The following NBEA variants were observed in gnomAD, a reference collection of about 807,000 sequenced individuals.
NBEA encodes lysosomal-trafficking regulator 2.
A neutral mutation model predicts 343.4 loss-of-function variants in NBEA; 44 were observed. The ratio of observed to expected loss-of-function variants is 0.13; its 90% CI spans 0.10 to 0.16. NBEA has a LOEUF of 0.16. Among genes scored for constraint, NBEA ranks in the 10% least tolerant of loss-of-function variants. The pLI is 1.00. For missense variants in NBEA, 2,555 were observed against 3,631.3 expected, an observed-to-expected ratio of 0.70 and a Z score of 7.62; for synonymous variants, 1,175 against 1,238.7, an observed-to-expected ratio of 0.95 and a Z score of 1.08.
intron 1 of NBEA, among the ~76,000 whole-genome samples, chr13:34,974,430 G>T (rs1474004734): frequency 6.6e-6 from 1 of 152,126 alleles, no homozygotes; most frequent in Non-Finnish European, 1.5e-5. Context: ...TATCTTGTTA[G>T]TTTCATTTCT....
intron 10 of NBEA, among the ~76,000 whole-genome samples, chr13:35,097,165 A>G (rs1248706823): frequency 1.3e-5 from 2 of 151,906 alleles, no homozygotes; most frequent in African/African-American, 4.8e-5. Context: ...AAAAGTAGCC[A>G]CATTATGAGA....
At chr13:34,960,332 C>A (rs1280964126) in intron 1 of NBEA, among the ~76,000 whole-genome samples, 1 of 151,616 alleles carries the variant, frequency 6.6e-6, no homozygotes, top group Non-Finnish European at 1.5e-5. Flanking sequence ...TTATAAAAGT[C>A]AAAAAGTTAA....
intron 10 of NBEA, among the ~76,000 whole-genome samples, chr13:35,082,192 T>C (rs898474014): frequency 6.6e-6 from 1 of 152,166 alleles, no homozygotes; most frequent in Non-Finnish European, 1.5e-5. Context: ...CCTGAGATAG[T>C]TAGCTGAGAA....
intron 36 of NBEA, among the ~76,000 whole-genome samples, chr13:35,313,461 C>G (rs2037505775): frequency 2.6e-5 from 4 of 151,988 alleles, no homozygotes. Flanking sequence ...TTATTGAAAG[C>G]ATAAAGAAAA....
At chr13:35,210,737 C>T (rs1468934173) in intron 32 of NBEA, among the ~76,000 whole-genome samples, 1 of 152,074 alleles carries the variant, frequency 6.6e-6, no homozygotes, top group African/African-American at 2.4e-5. Context: ...AAGTTTTTCA[C>T]CCCTAAGTTT....
intron 38 of NBEA, among the ~76,000 whole-genome samples, chr13:35,363,034 C>G (rs2040902127): frequency 6.6e-6 from 1 of 151,904 alleles, no homozygotes; most frequent in African/African-American, 2.4e-5. Context: ...ACTCCTGTTT[C>G]CCTTATCTTC....
At chr13:35,136,663 C>T (rs2067748569) in intron 17 of NBEA, among the ~76,000 whole-genome samples, 1 of 152,212 alleles carries the variant, frequency 6.6e-6, no homozygotes. Flanking sequence ...CCTCAGACTT[C>T]TCCCAGTTGA....
chr13:35,391,479 A>G lies in NBEA; in HGVS notation c.6179+39156A>G, dbSNP rs139096586. ...TATTTAAAAGAGAGACATAGTTCAG[A>G]AAGACTGAATAATGAAGATGGTTAA... On this transcript the variant is annotated intron_variant, in intron 38 of 58. Transcript: ENST00000379939. 6.7e-3 allele frequency among the ~76,000 whole-genome samples: 1,018 copies of G among 152,284 alleles called. 7 individuals carry two copies. Among genetic ancestry groups the G allele is most frequent in the African/African-American group, 0.023 (972 of 41,574 alleles).
intron 38 of NBEA, among the ~76,000 whole-genome samples, chr13:35,406,643 A>G (rs2043284877): frequency 6.6e-6 from 1 of 152,132 alleles, no homozygotes; most frequent in South Asian, 2.1e-4. Flanking sequence ...GTAGGATCAC[A>G]CCTGGTGACC....
chr13:35,147,064 A>G (rs1404721171), intron 18 of NBEA, among the ~76,000 whole-genome samples: 1 of 152,072 alleles, frequency 6.6e-6, no homozygotes, highest in Non-Finnish European at 1.5e-5. Flanking sequence ...CCCTTATTTT[A>G]TCATAGTCCA....
intron 44 of NBEA, among the ~76,000 whole-genome samples, chr13:35,565,270 A>G (rs1483862414): frequency 2.0e-5 from 3 of 152,376 alleles, no homozygotes; most frequent in Admixed American, 2.0e-4. Context: ...GCAAAGCTTC[A>G]TATAATAAAC....
intron 38 of NBEA, among the ~76,000 whole-genome samples, chr13:35,370,902 A>C (rs1397841199): frequency 1.4e-5 from 1 of 72,204 alleles, no homozygotes; most frequent in African/African-American, 4.4e-5. Context: ...AAGTGTCCTC[A>C]GTTGGCAGTT....
At chr13:35,564,909 T>C (rs552268719) in intron 44 of NBEA, among the ~76,000 whole-genome samples, 57 of 152,356 alleles carry the variant, frequency 3.7e-4, no homozygotes, top group Non-Finnish European at 7.2e-4. Context: ...TTTTATCACA[T>C]GCATATCCAT....
chr13:35,159,593 A>ATAG lies in NBEA; in HGVS notation c.3428_3430dup (p.Ser1143dup), dbSNP rs1302622704. On this transcript the variant is annotated inframe_insertion, in exon 22 of 59. Coordinates refer to ENST00000379939, the MANE Select transcript of NBEA (RefSeq NM_001385012.1). ...GCAGATGAGAAAGAAGACCTTCCCA[A>ATAG]TAGTAGTACATCATTTCTCTTTGAT... The ATAG allele has an allele frequency of 1.2e-6, 2 of 1,611,968 alleles. No individual in the cohort carries two copies. The highest frequency in any genetic ancestry group is 1.3e-5 in the African/African-American group (1 of 74,868).
chr13:35,148,653 A>C (rs1160984127), intron 18 of NBEA, among the ~76,000 whole-genome samples: 1 of 152,238 alleles, frequency 6.6e-6, no homozygotes, highest in Non-Finnish European at 1.5e-5. Context: ...AACTTTTATA[A>C]AATGTTATCC....
chr13:35,161,135 GA>G (rs1312784949), intron 22 of NBEA, among the ~76,000 whole-genome samples: 2 of 152,154 alleles, frequency 1.3e-5, no homozygotes, highest in Non-Finnish European at 2.9e-5. Flanking sequence ...TATTGAATTA[GA>G]TACAGATGTA....
chr13:35,546,905 A>G (rs2079090495), intron 41 of NBEA, among the ~76,000 whole-genome samples: 1 of 152,138 alleles, frequency 6.6e-6, no homozygotes, highest in African/African-American at 2.4e-5. Context: ...TTTTAAATAA[A>G]GAAATTGTAG....
At position 35,236,406 on chromosome 13, in the gene NBEA, TTTTTGTTTTGTTTTGTTTTGTTTTG is replaced by T. The variant is rs147528572; in HGVS notation, c.5776+3821_5776+3845del. 8.0e-3 allele frequency among the ~76,000 whole-genome samples: 1,177 copies of T among 147,166 alleles called. 8 individuals are homozygous for T. The highest frequency in any genetic ancestry group is 0.023 in the African/African-American group (922 of 39,342). ...CAGCTCTTCTTTCTGCATTTAATCCTTTTTGTTTTGTTTTGTTTTGTTTTGTTTTGTTTTGTTTTGTTTTGTTTTG... is the reference window on the plus strand; with the variant it reads ...CAGCTCTTCTTTCTGCATTTAATCCTTTTTGTTTTGTTTTGTTTTGTTTTG... On this transcript the variant is annotated intron_variant, in intron 34 of 58. Transcript: ENST00000379939.
intron 33 of NBEA, among the ~76,000 whole-genome samples, chr13:35,230,201 A>T (rs2074892791): frequency 6.6e-6 from 1 of 152,106 alleles, no homozygotes. Context: ...AATCGATAAT[A>T]ATGTATATTT....
Sources: allele counts gnomAD v4.1 joint callset (sites outside exome capture counted in the v4.1 genomes callset), GRCh38; gene constraint gnomAD v4.1.1; transcripts MANE v1.5; gene names NCBI Gene and HGNC (gene_info 2026-07-23, HGNC 2026-07-21).